MRTFA: variants seen among roughly 807,000 people sequenced by gnomAD.
MRTFA encodes myocardin related transcription factor A.
In MRTFA, 20 loss-of-function variants were observed where a neutral mutation model predicts 83.5. The ratio of observed to expected loss-of-function variants is 0.24; its 90% CI spans 0.17 to 0.35. The LOEUF is 0.35. MRTFA is among the 10% of genes least tolerant of loss of function. MRTFA has a pLI of 1.00. For synonymous variants in MRTFA, 659 were observed against 541.2 expected, an observed-to-expected ratio of 1.22 and a Z score of -3.02; for missense variants, 1,200 against 1,224.7, an observed-to-expected ratio of 0.98 and a Z score of 0.30.
intron 3 of MRTFA, among the ~76,000 whole-genome samples, chr22:40,466,146 G>C (rs1181454486): frequency 6.6e-6 from 1 of 152,144 alleles, no homozygotes; most frequent in East Asian, 1.9e-4. Context: ...AAGGAATTCA[G>C]GTGATCAACT....
intron 3 of MRTFA, among the ~76,000 whole-genome samples, chr22:40,498,079 G>A (rs2054386615): frequency 6.6e-6 from 1 of 151,790 alleles, no homozygotes; most frequent in African/African-American, 2.4e-5. Flanking sequence ...GGTGGAGGGT[G>A]CAGTAAGCCA....
At chr22:40,528,859 A>G (rs1044887256) in intron 3 of MRTFA, among the ~76,000 whole-genome samples, 1 of 152,042 alleles carries the variant, frequency 6.6e-6, no homozygotes, top group African/African-American at 2.4e-5. Context: ...AAACTTTCTT[A>G]AAACATTATG....
rs1250549579 is a variant in MRTFA, at chr22:40,411,761, A to T, written c.2725T>A (p.Ser909Thr). The change falls in exon 15 of 15, where the codon TCC becomes ACC. Residue 909 changes from serine to threonine, a missense_variant. Ser to Thr is a moderately conservative substitution (Grantham distance 58, BLOSUM62 1). Transcript: ENST00000355630. The stretch of plus-strand genomic sequence containing the variant: ...AAGTCCTCCAGGCGTCCAGGGAGGG[A>T]GGGTGAGCCTGGAGGAGGTGGGGCA... 1 of 1,541,306 alleles carries T rather than the reference A, an allele frequency of 6.5e-7. No individual in the cohort carries two copies.
chr22:40,561,738 G>A (rs2055620931), intron 2 of MRTFA, among the ~76,000 whole-genome samples: 1 of 152,132 alleles, frequency 6.6e-6, no homozygotes, highest in South Asian at 2.1e-4. Context: ...AGAGTAATGT[G>A]GCAGATTAAA....
intron 3 of MRTFA, among the ~76,000 whole-genome samples, chr22:40,551,865 A>G (rs1249791360): frequency 6.6e-6 from 1 of 152,206 alleles, no homozygotes; most frequent in Non-Finnish European, 1.5e-5. Flanking sequence ...ATGCTGAATT[A>G]ATGAATTTAT....
In MRTFA at chr22:40,544,927, A is replaced by AAAATAAAT. The variant is rs537218672; in HGVS notation, c.241+7171_241+7178dup. ...GCAACAGAGCATGACACTGTCTTGA[A>AAAATAAAT]AAATAAATAAATAAATAAATAAATA... On this transcript the variant is annotated intron_variant, in intron 3 of 14. Coordinates refer to ENST00000355630, the MANE Select transcript of MRTFA (RefSeq NM_020831.6). Among the ~76,000 whole-genome samples the AAAATAAAT allele has an allele frequency of 5.1e-4, 77 of 151,148 alleles. 2 individuals carry two copies. Among genetic ancestry groups the AAAATAAAT allele is most frequent in the African/African-American group, 1.8e-3 (74 of 41,142 alleles).
chr22:40,479,257 T>C (rs2054048930), intron 3 of MRTFA, among the ~76,000 whole-genome samples: 1 of 152,110 alleles, frequency 6.6e-6, no homozygotes, highest in Non-Finnish European at 1.5e-5. Context: ...TGGCGCCAGC[T>C]AAGGGGAGAA....
At chr22:40,571,412 G>A (rs1446210280) in intron 2 of MRTFA, among the ~76,000 whole-genome samples, 1 of 152,060 alleles carries the variant, frequency 6.6e-6, no homozygotes, top group African/African-American at 2.4e-5. Flanking sequence ...GAAAAAACTA[G>A]ATAAACAGGA....
intron 4 of MRTFA, 110 bp from the exon 5 acceptor site, chr22:40,435,664 G>A: frequency 1.7e-6 from 2 of 1,204,576 alleles, no homozygotes; most frequent in South Asian, 1.2e-5. Context: ...TGGGCGTGGT[G>A]GCTCACGCCT....
intron 3 of MRTFA, among the ~76,000 whole-genome samples, chr22:40,531,262 CTTTT>C (rs397868211): frequency 2.2e-4 from 24 of 108,110 alleles, no homozygotes; most frequent in Admixed American, 5.1e-4. Context: ...TCATACCTGG[CTTTT>C]TTTTTTTTTT....
chr22:40,524,409 CG>C (rs1218297052), intron 3 of MRTFA, among the ~76,000 whole-genome samples: 3 of 152,158 alleles, frequency 2.0e-5, no homozygotes, highest in African/African-American at 7.2e-5. Flanking sequence ...AAAAATTTAA[CG>C]TGTTGTTTTT....
chr22:40,470,229 TTTTATATATATATATATATATATATATA>T (rs1170040247), intron 3 of MRTFA, among the ~76,000 whole-genome samples: 643 of 58,758 alleles, frequency 0.011, 25 homozygotes, highest in African/African-American at 0.047. Flanking sequence ...ATCTCCAAAA[TTTTATATATATATATATATATATATATA>T]TATATATATA....
chr22:40,548,912 C>T (rs1185553388), intron 3 of MRTFA, among the ~76,000 whole-genome samples: 4 of 151,668 alleles, frequency 2.6e-5, no homozygotes. Context: ...AAAATTATAT[C>T]CAGGAACAAA....
At chr22:40,486,343 T>C (rs1238680478) in intron 3 of MRTFA, among the ~76,000 whole-genome samples, 1 of 152,210 alleles carries the variant, frequency 6.6e-6, no homozygotes, top group African/African-American at 2.4e-5. Context: ...GGCAAGAGTG[T>C]TTTGTAACTA....
intron 3 of MRTFA, among the ~76,000 whole-genome samples, chr22:40,545,156 GATGTTTCCA>G (rs1460635985): frequency 5.3e-5 from 8 of 152,086 alleles, no homozygotes; most frequent in Non-Finnish European, 1.0e-4. Context: ...TCATTAGACA[GATGTTTCCA>G]GGCTTCTCCA....
chr22:40,518,795 C>CAAA lies in MRTFA; in HGVS notation c.241+33308_241+33310dup, dbSNP rs879690699. On this transcript the variant is annotated intron_variant, in intron 3 of 14. Coordinates refer to ENST00000355630, the MANE Select transcript of MRTFA (RefSeq NM_020831.6). ...GGGCGACAGAGTGAGACTCTGTCTC[C>CAAA]AAAAAAAAAAAAAAAAAAAAAAAAA... 1.4e-3 allele frequency among the ~76,000 whole-genome samples: 98 copies of CAAA among 68,128 alleles called. 6 individuals carry two copies. Among genetic ancestry groups the CAAA allele is most frequent in the Non-Finnish European group, 2.0e-3 (74 of 37,260 alleles). 44.7% of individuals were successfully genotyped at this position (68,128 alleles called of 152,430 possible).
chr22:40,413,907 G>A lies in MRTFA; in HGVS notation c.2579-2000C>T, dbSNP rs552621646. ...CACTTCACACCCATTAGGATGGCTT[G>A]TATCAAAAAATTGAAAATAAGAAGT... On this transcript the variant is annotated intron_variant, in intron 14 of 14. Transcript: ENST00000355630. Among the ~76,000 whole-genome samples the A allele has an allele frequency of 1.4e-4, 22 of 152,296 alleles. No individual in the cohort carries two copies. The South Asian group carries it at 4.6e-3, about 32-fold the overall frequency.
chr22:40,435,320 G>C (rs753317270), intron 5 of MRTFA, among the ~76,000 whole-genome samples, 179 bp downstream of exon 5: 38 of 152,292 alleles, frequency 2.5e-4, no homozygotes, highest in Middle Eastern at 3.4e-3. Flanking sequence ...TGAGAGAAGG[G>C]ATGAAGTAGG....
At chr22:40,503,061 G>A (rs1291915443) in intron 3 of MRTFA, among the ~76,000 whole-genome samples, 2 of 152,090 alleles carry the variant, frequency 1.3e-5, no homozygotes, top group African/African-American at 2.4e-5. Flanking sequence ...TGAACAACCT[G>A]TGCCTCCCTG....
Sources: gnomAD v4.1 joint callset for allele counts (sites outside exome capture counted in the v4.1 genomes callset) on GRCh38, gnomAD v4.1.1 for gene constraint, MANE v1.5 for transcripts, NCBI Gene and HGNC (gene_info 2026-07-23, HGNC 2026-07-21) for gene names.